The following MEIKIN variants were observed in gnomAD, a reference collection of about 807,000 sequenced individuals.
MEIKIN encodes meiotic kinetochore factor, also known as meiosis-specific kinetochore protein.
chr5:131,816,850 G>A (rs1320859637), intron 12 of MEIKIN, among the ~76,000 whole-genome samples: 1 of 152,164 alleles, frequency 6.6e-6, no homozygotes, highest in African/African-American at 2.4e-5. Flanking sequence ...AAATTAGGTT[G>A]GGTAGCAATA....
At chr5:131,892,171 G>C (rs548274750) in intron 8 of MEIKIN, among the ~76,000 whole-genome samples, 1 of 152,168 alleles carries the variant, frequency 6.6e-6, no homozygotes, top group Non-Finnish European at 1.5e-5. Context: ...TTTCAACTTT[G>C]GTGAATCTGA....
intron 6 of MEIKIN, among the ~76,000 whole-genome samples, chr5:131,920,190 G>T (rs962184712): frequency 1.4e-4 from 22 of 152,128 alleles, no homozygotes; most frequent in African/African-American, 5.3e-4. Flanking sequence ...ATAAATAAAT[G>T]AACGAATGAT....
chr5:131,885,618 T>G (rs1398233709), intron 8 of MEIKIN, among the ~76,000 whole-genome samples: 3 of 152,164 alleles, frequency 2.0e-5, no homozygotes, highest in African/African-American at 7.2e-5. Context: ...AACACCCAAG[T>G]CCTTTCAAAT....
In MEIKIN at chr5:131,877,763, G is replaced by A. The variant is rs7726531; in HGVS notation, c.774+1215C>T. ...AAAAATGTAAAGCACACTGGTCCCC[G>A]CACCCTGCCCCCCAGTCACCCATCC... On this transcript the variant is annotated intron_variant, in intron 9 of 12. Transcript: ENST00000442687. 3.6e-3 allele frequency among the ~76,000 whole-genome samples: 543 copies of A among 152,222 alleles called. 2 individuals are homozygous for A. Among genetic ancestry groups the A allele is most frequent in the African/African-American group, 0.01 (436 of 41,532 alleles).
intron 9 of MEIKIN, among the ~76,000 whole-genome samples, chr5:131,878,753 T>C (rs1750655938): frequency 1.3e-5 from 2 of 151,840 alleles, no homozygotes; most frequent in African/African-American, 4.8e-5. Flanking sequence ...TGCATGCCTG[T>C]AGTTCCAGTT....
intron 5 of MEIKIN, among the ~76,000 whole-genome samples, chr5:131,929,713 T>C (rs1174741672): frequency 2.0e-5 from 3 of 152,282 alleles, no homozygotes; most frequent in Admixed American, 1.3e-4. Flanking sequence ...TAAGCCCCAG[T>C]GTCTACTGTT....
At chr5:131,866,441 C>A (rs1193758326) in intron 9 of MEIKIN, among the ~76,000 whole-genome samples, 2 of 152,170 alleles carry the variant, frequency 1.3e-5, no homozygotes, top group Non-Finnish European at 2.9e-5. Context: ...GGCAGAATGA[C>A]CCTGTGGCCA....
chr5:131,866,945 T>C (rs890317230), intron 9 of MEIKIN, among the ~76,000 whole-genome samples: 1 of 152,170 alleles, frequency 6.6e-6, no homozygotes, highest in African/African-American at 2.4e-5. Flanking sequence ...TCATTCCCAT[T>C]AGTCCTCAAC....
At chr5:131,883,143 T>C (rs1156527177) in intron 8 of MEIKIN, among the ~76,000 whole-genome samples, 2 of 152,228 alleles carry the variant, frequency 1.3e-5, no homozygotes, top group Non-Finnish European at 1.5e-5. Context: ...CATACTTAGG[T>C]GCTTAATAAA....
chr5:131,891,854 C>T (rs970874379), intron 8 of MEIKIN, among the ~76,000 whole-genome samples: 4 of 152,102 alleles, frequency 2.6e-5, no homozygotes, highest in African/African-American at 4.8e-5. Context: ...TGGATGGTAC[C>T]GGTTGTTCTT....
intron 9 of MEIKIN, among the ~76,000 whole-genome samples, chr5:131,870,633 T>A (rs1022864727): frequency 2.6e-5 from 4 of 152,354 alleles, no homozygotes; most frequent in African/African-American, 9.6e-5. Flanking sequence ...CTAAATAGCA[T>A]CTTTATCCAC....
intron 9 of MEIKIN, among the ~76,000 whole-genome samples, chr5:131,875,974 C>A (rs1378634830): frequency 6.6e-6 from 1 of 152,170 alleles, no homozygotes. Flanking sequence ...CCCTTCCTTA[C>A]ACCTTATACA....
At chr5:131,938,620 A>T in intron 4 of MEIKIN, among the ~76,000 whole-genome samples, 1 of 152,058 alleles carries the variant, frequency 6.6e-6, no homozygotes, top group Non-Finnish European at 1.5e-5. Context: ...AATTCTACAG[A>T]ATGTTTTCTG....
intron 11 of MEIKIN, among the ~76,000 whole-genome samples, chr5:131,833,569 A>T (rs1385611879): frequency 6.6e-6 from 1 of 152,194 alleles, no homozygotes; most frequent in African/African-American, 2.4e-5. Flanking sequence ...AGGCCTCAGA[A>T]TCATAACAGG....
At chr5:131,844,189 C>T (rs959801144) in intron 11 of MEIKIN, among the ~76,000 whole-genome samples, 1 of 152,126 alleles carries the variant, frequency 6.6e-6, no homozygotes, top group African/African-American at 2.4e-5. Flanking sequence ...AATCACCTCC[C>T]ACTAGATCCC....
At chr5:131,891,439 T>C (rs894467959) in intron 8 of MEIKIN, among the ~76,000 whole-genome samples, 4 of 152,234 alleles carry the variant, frequency 2.6e-5, no homozygotes, top group African/African-American at 9.6e-5. Context: ...AGTTAGCTTT[T>C]CTTGTTGAAT....
At chr5:131,837,985 T>C (rs1248225971) in intron 11 of MEIKIN, among the ~76,000 whole-genome samples, 1 of 152,164 alleles carries the variant, frequency 6.6e-6, no homozygotes, top group Non-Finnish European at 1.5e-5. Context: ...CATTATGATG[T>C]TGGCTGTGGG....
At chr5:131,848,920 A>G (rs1315071664) in intron 11 of MEIKIN, among the ~76,000 whole-genome samples, 1 of 152,166 alleles carries the variant, frequency 6.6e-6, no homozygotes, top group Non-Finnish European at 1.5e-5. Context: ...AAAAAAATCA[A>G]TCACTGTAAT....
Position 131,907,488 on chromosome 5 carries a change from T to G in MEIKIN, c.703+4327A>C, listed in dbSNP as rs144025706. Among the ~76,000 whole-genome samples the G allele has an allele frequency of 4.7e-3, 704 of 150,940 alleles. 8 individuals are homozygous for G. Among genetic ancestry groups the G allele is most frequent in the African/African-American group, 0.016 (670 of 41,054 alleles). ...ATGAAAAGGGAGACATTACAACTGATACTGCAGACATTCAAAGGATCATTA... is the reference window on the plus strand; with the variant it reads ...ATGAAAAGGGAGACATTACAACTGAGACTGCAGACATTCAAAGGATCATTA... On this transcript the variant is annotated intron_variant, in intron 8 of 12. Coordinates refer to ENST00000442687, the MANE Select transcript of MEIKIN (RefSeq NM_001303622.2).
Sources: gnomAD v4.1 joint callset for allele counts (sites outside exome capture counted in the v4.1 genomes callset) on GRCh38, gnomAD v4.1.1 for gene constraint, MANE v1.5 for transcripts, NCBI Gene and HGNC (gene_info 2026-07-23, HGNC 2026-07-21) for gene names.